LARP1: variants seen among roughly 807,000 people sequenced by gnomAD.
The protein encoded by LARP1 is la-related protein 1.
In LARP1, 36 loss-of-function variants were observed where a neutral mutation model predicts 122.7. That is an observed-to-expected ratio of 0.29 (90% CI 0.22 to 0.39). The LOEUF is 0.39. Among genes scored for constraint, LARP1 ranks in the 10% least tolerant of loss-of-function variants. The probability of loss-of-function intolerance (pLI) is 1.00; values close to 1 mark genes in which losing one functional copy is unlikely to be tolerated. For missense variants in LARP1, 1,040 were observed against 1,403.6 expected, an observed-to-expected ratio of 0.74 and a Z score of 4.14; for synonymous variants, 539 against 528.7, an observed-to-expected ratio of 1.02 and a Z score of -0.27.
At chr5:154,729,605 C>A in intron 1 of LARP1, 2 of 419,636 alleles carry the variant, frequency 4.8e-6, no homozygotes, top group Non-Finnish European at 9.3e-6. Flanking sequence ...TCAGATGAAG[C>A]ACCAGCCACT....
chr5:154,797,215 G>GTTTTTTTTTTTTTT (rs1757935160), intron 8 of LARP1, among the ~76,000 whole-genome samples: 2 of 77,920 alleles, frequency 2.6e-5, no homozygotes, highest in African/African-American at 9.7e-5. Flanking sequence ...CTGTTTTGTT[G>GTTTTTTTTTTTTTT]TTGTTGTTTT....
chr5:154,745,519 C>A (rs1424342158), intron 1 of LARP1, among the ~76,000 whole-genome samples: 4 of 152,178 alleles, frequency 2.6e-5, no homozygotes, highest in African/African-American at 9.7e-5. Flanking sequence ...GGGGTAGGTG[C>A]TATTATCATC....
At chr5:154,804,057 C>T (rs1395538863) in intron 13 of LARP1, 144 bp from the exon 14 acceptor site, 3 of 692,110 alleles carry the variant, frequency 4.3e-6, no homozygotes, top group Non-Finnish European at 7.7e-6. Flanking sequence ...CCTAGCTCAC[C>T]ACTGTGAACT....
chr5:154,747,869 A>T (rs1260836693), intron 1 of LARP1, among the ~76,000 whole-genome samples: 1 of 152,140 alleles, frequency 6.6e-6, no homozygotes, highest in Non-Finnish European at 1.5e-5. Context: ...ATCTCAAAAA[A>T]AAAAAGACAC....
chr5:154,799,836 A>G (rs1758195869), intron 9 of LARP1, 37 bp from the exon 10 acceptor site: 1 of 1,611,668 alleles, frequency 6.2e-7, no homozygotes, highest in South Asian at 1.1e-5. Context: ...CAGGAGGAGG[A>G]CTGGAGGGAT....
At chr5:154,749,058 T>C (rs772478142) in intron 1 of LARP1, among the ~76,000 whole-genome samples, 14 of 152,260 alleles carry the variant, frequency 9.2e-5, no homozygotes, top group Non-Finnish European at 2.1e-4. Context: ...GGGTCTGTGC[T>C]GGAAGGCAGT....
chr5:154,761,512 A>G (rs1311531272), intron 1 of LARP1, among the ~76,000 whole-genome samples: 3 of 152,084 alleles, frequency 2.0e-5, no homozygotes, highest in Non-Finnish European at 2.9e-5. Flanking sequence ...CCTCTTTAAG[A>G]TGGAGAGCTT....
At chr5:154,756,215 C>T in intron 1 of LARP1, 22 bp downstream of exon 1, 1 of 1,238,846 alleles carries the variant, frequency 8.1e-7, no homozygotes, top group Non-Finnish European at 1.0e-6. Flanking sequence ...TCCTTGCCCT[C>T]CTGGGTCCGG....
intron 1 of LARP1, among the ~76,000 whole-genome samples, chr5:154,690,864 T>TA (rs1048188293): frequency 6.6e-5 from 10 of 152,016 alleles, no homozygotes; most frequent in East Asian, 5.8e-4. Flanking sequence ...AAAATAGATA[T>TA]AAAAAAAACC....
chr5:154,684,971 C>T (rs900999984), intron 1 of LARP1, among the ~76,000 whole-genome samples: 6 of 152,084 alleles, frequency 3.9e-5, no homozygotes, highest in African/African-American at 1.4e-4. Flanking sequence ...CTTGGCTGGG[C>T]GCGGTGGCTC....
upstream of LARP1, among the ~76,000 whole-genome samples, chr5:154,709,693 G>C (rs1023336108): frequency 1.3e-5 from 2 of 149,392 alleles, no homozygotes; most frequent in African/African-American, 5.0e-5. Context: ...TGCAGTGTGG[G>C]AAAGAGGCGC....
chr5:154,753,523 G>C (rs1171525363), upstream of LARP1, among the ~76,000 whole-genome samples: 2 of 152,224 alleles, frequency 1.3e-5, no homozygotes, highest in Admixed American at 6.5e-5. Flanking sequence ...GAACTTAGTA[G>C]ATTCCTGGTT....
intron 1 of LARP1, among the ~76,000 whole-genome samples, chr5:154,748,996 A>G (rs942131404): frequency 3.9e-5 from 6 of 152,226 alleles, no homozygotes; most frequent in Non-Finnish European, 5.9e-5. Flanking sequence ...CAGATGCTCA[A>G]TACATATTTA....
Position 154,811,536 on chromosome 5 carries a change from T to C in LARP1, c.2977T>C (p.Phe993Leu). ...EAGQLYGLEK[F>L]WAFLKYSKAK... ...AGGCCAACTGTATGGGCTGGAGAAG[T>C]TCTGGGCCTTCTTGAAATATTCCAA... Residue 993 changes from phenylalanine (F) to leucine (L), a missense_variant, in exon 18 of 19, where the codon TTC becomes CTC. Physicochemically the swap from Phe to Leu is conservative, Grantham distance 22. Transcript: ENST00000518297. 1 of 1,614,212 alleles carries C rather than the reference T, an allele frequency of 6.2e-7. No individual in the cohort carries two copies. The highest frequency in any genetic ancestry group is 8.5e-7 in the Non-Finnish European group (1 of 1,180,030).
rs745690943 is a variant in LARP1 at position 154,811,562 on chromosome 5, A to C, written c.3003A>C (p.Lys1001Asn). ...TCTGGGCCTTCTTGAAATATTCCAA[A>C]GCCAAAAATTTGGACATTGACCCCA... Reference protein sequence around the residue: ...EKFWAFLKYSKAKNLDIDPKL... With the variant: ...EKFWAFLKYSNAKNLDIDPKL... The change falls in exon 18 of 19, where the codon AAA becomes AAC. Residue 1001 changes from lysine (K) to asparagine (N), a missense_variant. Coordinates refer to ENST00000518297, the MANE Select transcript of LARP1 (RefSeq NM_033551.3). 62 of 1,614,090 alleles carry C rather than the reference A, an allele frequency of 3.8e-5. No individual in the cohort carries two copies. In the Admixed American group the frequency reaches 1.0e-3, roughly 27 times the overall value.
At chr5:154,687,407 A>C (rs1383259087) in intron 1 of LARP1, among the ~76,000 whole-genome samples, 1 of 152,064 alleles carries the variant, frequency 6.6e-6, no homozygotes, top group Non-Finnish European at 1.5e-5. Flanking sequence ...TGTGAGACGG[A>C]GTCTCACTCT....
chr5:154,716,396 C>G (rs931318778), intron 1 of LARP1, among the ~76,000 whole-genome samples: 1 of 152,090 alleles, frequency 6.6e-6, no homozygotes, highest in Non-Finnish European at 1.5e-5. Context: ...GCTAGGATTA[C>G]AGGCATAAGC....
chr5:154,808,887 G>A (rs112506918), intron 16 of LARP1, among the ~76,000 whole-genome samples: 34 of 152,238 alleles, frequency 2.2e-4, no homozygotes, highest in African/African-American at 7.9e-4. Context: ...CCTTTATAAA[G>A]GACCCTATGT....
intron 1 of LARP1, among the ~76,000 whole-genome samples, chr5:154,780,270 G>T (rs1756313958): frequency 6.6e-6 from 1 of 152,180 alleles, no homozygotes; most frequent in African/African-American, 2.4e-5. Flanking sequence ...AGCCTTCCCT[G>T]GCAGGGCTCA....
Sources: gnomAD v4.1 joint callset for allele counts (sites outside exome capture counted in the v4.1 genomes callset) on GRCh38, gnomAD v4.1.1 for gene constraint, MANE v1.5 for transcripts, NCBI Gene and HGNC (gene_info 2026-07-23, HGNC 2026-07-21) for gene names.